Variants in PLEKHH2 observed in about 807,000 individuals in gnomAD.
PLEKHH2 encodes the protein pleckstrin homology, MyTH4 and FERM domain containing H2.
A neutral mutation model predicts 187.9 loss-of-function variants in PLEKHH2; 129 were observed. That is an observed-to-expected ratio of 0.69 (90% CI 0.59 to 0.79). PLEKHH2 has a LOEUF of 0.79. Among genes scored for constraint, PLEKHH2 ranks in the 30% least tolerant of loss-of-function variants. The pLI is 0.00. For synonymous variants in PLEKHH2, 686 were observed against 605.6 expected, an observed-to-expected ratio of 1.13 and a Z score of -1.95; for missense variants, 2,076 against 1,751.2, an observed-to-expected ratio of 1.19 and a Z score of -3.31.
intron 28 of PLEKHH2, 123 bp downstream of exon 28, chr2:43,762,513 A>T: frequency 2.8e-6 from 2 of 703,712 alleles, no homozygotes; most frequent in East Asian, 2.6e-5. Flanking sequence ...TCTTCCTAAT[A>T]CTATGTCATG....
rs111267430 is a variant in PLEKHH2, at chr2:43,692,649, C to A, written c.322C>A (p.Gln108Lys). Residue 108 changes from glutamine (Q) to lysine (K), a missense_variant, in exon 4 of 30, where the codon CAA (glutamine) becomes AAA (lysine). Physicochemically the swap from Gln to Lys is moderately conservative, Grantham distance 53 (BLOSUM62 1). Coordinates refer to ENST00000282406, the MANE Select transcript of PLEKHH2 (RefSeq NM_172069.4). ...TGACGTCATTCAAAACTTGGAATTGCAACTTGAAGAGCAGGTTAGGAAGAA... is the reference window on the plus strand; with the variant it reads ...TGACGTCATTCAAAACTTGGAATTGAAACTTGAAGAGCAGGTTAGGAAGAA... ...KDDVIQNLEL[Q>K]LEEQKQIRIQ... 67 of 1,613,034 alleles carry A rather than the reference C, an allele frequency of 4.2e-5. No homozygotes were observed. The highest frequency in any genetic ancestry group is 5.6e-5 in the Non-Finnish European group (66 of 1,179,606).
chr2:43,762,473 A>T, intron 28 of PLEKHH2, 83 bp downstream of exon 28: 9 of 1,079,922 alleles, frequency 8.3e-6, no homozygotes, highest in Non-Finnish European at 1.3e-5. Flanking sequence ...ATGATATCTT[A>T]ATCTGATTTT....
chr2:43,710,512 G>C lies in PLEKHH2; in HGVS notation c.2238G>C (p.Gln746His). 4 of 1,598,560 alleles carry C rather than the reference G, an allele frequency of 2.5e-6. No homozygotes were observed. Among genetic ancestry groups the C allele is most frequent in the Non-Finnish European group, 3.4e-6 (4 of 1,176,508 alleles). The change falls in exon 14 of 30, where the codon CAG becomes CAC. Residue 746 changes from glutamine (Q) to histidine (H), a missense_variant. Gln to His is a conservative substitution (Grantham distance 24). Coordinates refer to ENST00000282406, the MANE Select transcript of PLEKHH2 (RefSeq NM_172069.4). ...AGAGTGATGTAATTAGAAAACCCCA[G>C]GGCCATATTGAACTTAGTGCATCCT... ...KSPSDVIRKP[Q>H]GHIELSASCS...
chr2:43,736,737 G>A (rs779635679), intron 19 of PLEKHH2, among the ~76,000 whole-genome samples: 1 of 152,096 alleles, frequency 6.6e-6, no homozygotes, highest in East Asian at 1.9e-4. Flanking sequence ...GGAGGCTGAC[G>A]CAGGAGAATC....
At chr2:43,720,809 T>C in intron 16 of PLEKHH2, 60 bp downstream of exon 16, 1 of 1,532,638 alleles carries the variant, frequency 6.5e-7, no homozygotes, top group South Asian at 1.3e-5. Context: ...GGGCTTAAAC[T>C]TTTCCTTTTC....
chr2:43,715,496 A>T (rs540046228), intron 15 of PLEKHH2, among the ~76,000 whole-genome samples: 114 of 152,318 alleles, frequency 7.5e-4, no homozygotes, highest in African/African-American at 2.4e-3. Flanking sequence ...TGCTAAGAGG[A>T]AGATGAATCA....
intron 2 of PLEKHH2, chr2:43,675,583 G>A (rs376241330): frequency 3.7e-6 from 6 of 1,613,590 alleles, no homozygotes; most frequent in Non-Finnish European, 5.1e-6. Context: ...CTGTGCGATT[G>A]GTTTTGTATT....
intron 1 of PLEKHH2, among the ~76,000 whole-genome samples, chr2:43,638,659 T>C (rs933693564): frequency 6.6e-6 from 1 of 152,238 alleles, no homozygotes; most frequent in Non-Finnish European, 1.5e-5. Flanking sequence ...TTTCTTTATT[T>C]AGCAGTCGGC....
intron 9 of PLEKHH2, among the ~76,000 whole-genome samples, chr2:43,704,883 G>A (rs888650900): frequency 3.3e-5 from 5 of 152,056 alleles, no homozygotes; most frequent in Non-Finnish European, 7.4e-5. Flanking sequence ...TCATCTTAGT[G>A]TGGGGACTCA....
chr2:43,681,455 C>G (rs945964667), intron 3 of PLEKHH2: 4 of 1,545,410 alleles, frequency 2.6e-6, no homozygotes, highest in African/African-American at 2.7e-5. Context: ...AATCTTCTTC[C>G]TCTTCCTCTC....
chr2:43,690,996 G>A (rs890105443), intron 3 of PLEKHH2, among the ~76,000 whole-genome samples: 7 of 152,198 alleles, frequency 4.6e-5, no homozygotes, highest in Admixed American at 1.3e-4. Flanking sequence ...ATGCAGATAT[G>A]CCTTTCTGAG....
At chr2:43,674,251 A>C (rs1040991894) in intron 2 of PLEKHH2, among the ~76,000 whole-genome samples, 1 of 152,178 alleles carries the variant, frequency 6.6e-6, no homozygotes, top group Non-Finnish European at 1.5e-5. Flanking sequence ...TTTCACTAGC[A>C]AAATTTTGTG....
chr2:43,667,890 T>C (rs78558998), intron 2 of PLEKHH2, among the ~76,000 whole-genome samples: 2,004 of 151,992 alleles, frequency 0.013, 44 homozygotes, highest in African/African-American at 0.046. Flanking sequence ...TCTGTGAATA[T>C]AGTAAAAAAA....
intron 26 of PLEKHH2, among the ~76,000 whole-genome samples, chr2:43,758,501 C>A (rs1342546418): frequency 6.6e-6 from 1 of 152,186 alleles, no homozygotes; most frequent in Non-Finnish European, 1.5e-5. Flanking sequence ...GATCCTCCCG[C>A]CTCGGCCTCC....
At chr2:43,676,669 G>A (rs1262249049) in intron 2 of PLEKHH2, among the ~76,000 whole-genome samples, 3 of 152,266 alleles carry the variant, frequency 2.0e-5, no homozygotes, top group East Asian at 3.9e-4. Context: ...TTTACCTCAC[G>A]ATTTGTGTAT....
chr2:43,719,673 C>G (rs1017899878), intron 15 of PLEKHH2, among the ~76,000 whole-genome samples: 1 of 152,230 alleles, frequency 6.6e-6, no homozygotes, highest in African/African-American at 2.4e-5. Flanking sequence ...CTCCTGACCT[C>G]AGGTGATCCA....
At chr2:43,640,950 A>ATTTTTTT (rs58200065) in intron 1 of PLEKHH2, among the ~76,000 whole-genome samples, 1 of 115,776 alleles carries the variant, frequency 8.6e-6, no homozygotes. Flanking sequence ...TGCCTGGCTA[A>ATTTTTTT]TTTTTTTTTT....
At position 43,744,882 on chromosome 2, in the gene PLEKHH2, A is replaced by AG. The variant is rs1327835407; in HGVS notation, c.3555+893_3555+894insG. Among the ~76,000 whole-genome samples, 350 of 143,234 alleles carry AG rather than the reference A, an allele frequency of 2.4e-3. 3 individuals carry two copies. Among genetic ancestry groups the AG allele is most frequent in the Non-Finnish European group, 2.9e-3 (194 of 66,354 alleles). The allele number at this position is 143,234 out of a possible 152,430, so 94.0% of individuals were successfully genotyped here. On this transcript the variant is annotated intron_variant, in intron 23 of 29. Coordinates refer to ENST00000282406, the MANE Select transcript of PLEKHH2 (RefSeq NM_172069.4). ...GACTGTCTCACAAAAAAAAAAAAAA[A>AG]AAAAAGAAAAAGAAAAGAAAGGAAG... is the stretch of plus-strand genomic sequence containing the variant.
chr2:43,745,641 G>A (rs1051662310), intron 23 of PLEKHH2, among the ~76,000 whole-genome samples: 2 of 152,154 alleles, frequency 1.3e-5, no homozygotes, highest in Non-Finnish European at 2.9e-5. Flanking sequence ...TAAAAAATGC[G>A]TGGCCACAGT....
Sources: allele counts gnomAD v4.1 joint callset (sites outside exome capture counted in the v4.1 genomes callset), GRCh38; gene constraint gnomAD v4.1.1; transcripts MANE v1.5; gene names NCBI Gene and HGNC (gene_info 2026-07-23, HGNC 2026-07-21).